GPR157: variants seen among roughly 807,000 people sequenced by gnomAD.
The protein encoded by GPR157 is G-protein coupled receptor 157.
A neutral mutation model predicts 23.5 loss-of-function variants in GPR157; 16 were observed. The ratio of observed to expected loss-of-function variants is 0.68; its 90% CI spans 0.46 to 1.04. GPR157 has a LOEUF of 1.04. GPR157 is among the 50% of genes least tolerant of loss of function. The probability of loss-of-function intolerance (pLI) is 0.00; values close to 1 mark genes in which losing one functional copy is unlikely to be tolerated. For missense variants in GPR157, 440 were observed against 460.7 expected (o/e 0.96, Z 0.41); for synonymous variants, 200 against 221.5 (o/e 0.90, Z 0.86).
rs779732025 is a variant in GPR157, at chr1:9,111,394, T to C, written c.479A>G (p.Asp160Gly). 6.2e-7 allele frequency: 1 copy of C among 1,614,096 alleles called. No homozygotes were observed. Among genetic ancestry groups the C allele is most frequent in the East Asian group, 2.2e-5 (1 of 44,872 alleles). The change falls in exon 2 of 4, where the codon GAC becomes GGC. Residue 160 changes from aspartate to glycine, a missense_variant. Physicochemically the swap from Asp to Gly is moderately conservative, Grantham distance 94. Transcript: ENST00000377411. ...CAGGACATGGTCCTTGGCCTCCAGG[T>C]CGATCCAGCACCAGCCCACAGACAC... ...SDVSVGWCWI[D>G]LEAKDHVLWM... is the part of the protein sequence containing the mutation.
At position 9,104,546 on chromosome 1, in the gene GPR157, C is replaced by G. The variant is rs1011212470; in HGVS notation, c.881G>C (p.Cys294Ser). Residue 294 changes from cysteine to serine, a missense_variant, in exon 4 of 4, where the codon TGT becomes TCT. Coordinates refer to ENST00000377411, the MANE Select transcript of GPR157 (RefSeq NM_024980.5). ...RAVRTRLFSLCCCCCSSQPPT... is the reference protein window; with the variant it reads ...RAVRTRLFSLSCCCCSSQPPT... ...AGGCTGAGAAGAGCAGCAGCAGCAA[C>G]AGAGAGAGAAGAGCCGAGTTCGGAC... 40 of 1,613,706 alleles carry G rather than the reference C, an allele frequency of 2.5e-5. No individual in the cohort carries two copies. The highest frequency in any genetic ancestry group is 3.2e-5 in the Non-Finnish European group (38 of 1,179,964).
rs921136076 is a variant in GPR157 at position 9,100,330 on chromosome 1, A to G, written c.*4089T>C. ...TAGGAGAAAAATAATTTATTTATTT[A>G]ATTTAAAACAGCAAGACTTCAGCTT... On this transcript the variant is annotated 3_prime_UTR_variant, in exon 4 of 4. Coordinates refer to ENST00000377411, the MANE Select transcript of GPR157 (RefSeq NM_024980.5). 1 of 152,238 alleles carries G rather than the reference A, an allele frequency of 6.6e-6. No homozygotes were observed. The highest frequency in any genetic ancestry group is 1.5e-5 in the Non-Finnish European group (1 of 68,044). The allele number at this position is 152,238 out of a possible 1,614,324, so 9.4% of individuals were successfully genotyped here.
At chr1:9,115,467 C>A (rs1638615617) in intron 1 of GPR157, among the ~76,000 whole-genome samples, 1 of 152,086 alleles carries the variant, frequency 6.6e-6, no homozygotes, top group African/African-American at 2.4e-5. Flanking sequence ...TTGATGCTTT[C>A]ATTTCCCTTA....
rs1416907548 is a variant in GPR157 at position 9,111,441 on chromosome 1, C to T, written c.432G>A (p.Lys144=). Residue 144 remains lysine, a synonymous_variant, in exon 2 of 4, where the codon AAG becomes AAA. Transcript: ENST00000377411. ...ACACGTCCGAGGCGTCATAGCCAAT[C>T]TTCTTCAGGGCGACGGCTGCCACAG... ...VITVAAVALK[K]IGYDASDVSV... The T allele has an allele frequency of 1.9e-6, 3 of 1,614,040 alleles. No individual in the cohort carries two copies. The highest frequency in any genetic ancestry group is 2.5e-6 in the Non-Finnish European group (3 of 1,180,044).
chr1:9,108,363 G>A (rs1322535061), intron 2 of GPR157, among the ~76,000 whole-genome samples: 1 of 152,170 alleles, frequency 6.6e-6, no homozygotes, highest in Non-Finnish European at 1.5e-5. Context: ...CCGTTTTTCT[G>A]AAACACTTGC....
intron 1 of GPR157, among the ~76,000 whole-genome samples, chr1:9,116,339 T>TATATATAA (rs1491438357): frequency 0.047 from 659 of 13,956 alleles, 134 homozygotes; most frequent in East Asian, 0.2. Context: ...TTATATATAA[T>TATATATAA]TTATATATAA....
chr1:9,116,250 T>TA (rs1247503350), intron 1 of GPR157, among the ~76,000 whole-genome samples: 395 of 5,668 alleles, frequency 0.07, 16 homozygotes, highest in East Asian at 0.17. Context: ...TATATAATTA[T>TA]ATATATATTA....
At chr1:9,126,767 G>A (rs564988054) in intron 1 of GPR157, among the ~76,000 whole-genome samples, 19 of 152,154 alleles carry the variant, frequency 1.2e-4, no homozygotes, top group Non-Finnish European at 2.6e-4. Flanking sequence ...GAGAACTCCA[G>A]AGAATAAATT....
rs199973020 is a variant in GPR157, at chr1:9,105,034, A to AACACAC, written c.793-406_793-401dup. Among the ~76,000 whole-genome samples, 3,438 of 116,972 alleles carry AACACAC rather than the reference A, an allele frequency of 0.029. 78 individuals are homozygous for AACACAC. Among genetic ancestry groups the AACACAC allele is most frequent in the African/African-American group, 0.054 (1,603 of 29,850 alleles). The allele number at this position is 116,972 out of a possible 152,430, so 76.7% of individuals were successfully genotyped here. On this transcript the variant is annotated intron_variant, in intron 3 of 3. Transcript: ENST00000377411. The surrounding 1 kb of genome is among the most constrained non-coding windows in gnomAD (Gnocchi z 4.8). ...CCCCAAAAAAGAGAAATGGCTGAGA[A>AACACAC]ACACACACACACACACACACACACA...
rs372007595 is a variant in GPR157 at position 9,128,690 on chromosome 1, C to T, written c.338G>A (p.Arg113His). 2.5e-6 allele frequency: 4 copies of T among 1,613,228 alleles called. No homozygotes were observed. The highest frequency in any genetic ancestry group is 2.7e-5 in the African/African-American group (2 of 75,064). Residue 113 changes from arginine (R) to histidine (H), a missense_variant, in exon 1 of 4, where the codon CGC becomes CAC. Transcript: ENST00000377411. This position sits in a 1 kb window ranked among gnomAD's most constrained non-coding sequence, Gnocchi z 6.3. ...YLYLSIVRAA[R>H]GPRTDRLLWA... ...AAGCAGGCGATCTGTGCGAGGCCCGCGCGCGGCGCGGACGATGCTGAGGTA... is the reference window on the plus strand; with the variant it reads ...AAGCAGGCGATCTGTGCGAGGCCCGTGCGCGGCGCGGACGATGCTGAGGTA...
intron 1 of GPR157, among the ~76,000 whole-genome samples, chr1:9,123,644 T>A (rs1283010708): frequency 3.5e-5 from 4 of 115,338 alleles, no homozygotes; most frequent in Non-Finnish European, 4.9e-5. Flanking sequence ...TATACATTAA[T>A]ATTAAATATA....
At chr1:9,117,487 C>T (rs1171082191) in intron 1 of GPR157, among the ~76,000 whole-genome samples, 3 of 152,192 alleles carry the variant, frequency 2.0e-5, no homozygotes, top group East Asian at 1.9e-4. Context: ...TAGCTGGGCA[C>T]GGTGGCTCAC....
rs1319814744 is a variant in GPR157, at chr1:9,104,375, C to A, written c.*44G>T. The A allele has an allele frequency of 6.9e-7, 1 of 1,458,106 alleles. No individual in the cohort carries two copies. Among genetic ancestry groups the A allele is most frequent in the Non-Finnish European group, 9.6e-7 (1 of 1,043,362 alleles). The allele number at this position is 1,458,106 out of a possible 1,614,324, so 90.3% of individuals were successfully genotyped here. On this transcript the variant is annotated 3_prime_UTR_variant, in exon 4 of 4. Transcript: ENST00000377411. ...CAGGGACTCACAGAAGTGCCTACCC[C>A]CAGGAAGGCAGCACCTATGCACAGA... is the stretch of plus-strand genomic sequence containing the variant.
chr1:9,114,856 G>C (rs1015069172), intron 1 of GPR157, among the ~76,000 whole-genome samples: 4 of 149,532 alleles, frequency 2.7e-5, no homozygotes, highest in African/African-American at 9.9e-5. Flanking sequence ...GAGAGGCAGA[G>C]GTTGCAGTGA....
Position 9,128,900 on chromosome 1 carries a change from C to A in GPR157, c.128G>T (p.Arg43Leu), listed in dbSNP as rs774212230. The change falls in exon 1 of 4, where the codon CGC becomes CTC. Residue 43 changes from arginine (R) to leucine (L), a missense_variant. Coordinates refer to ENST00000377411, the MANE Select transcript of GPR157 (RefSeq NM_024980.5). The surrounding 1 kb of genome is among the most constrained non-coding windows in gnomAD (Gnocchi z 6.3). Reference protein sequence around the residue: ...VATHALWPDLRSRARRLLLFL... With the variant: ...VATHALWPDLLSRARRLLLFL... Reference sequence around the variant, plus strand: ...GAGCAGCAGGCGCCGTGCCCGGCTGCGCAGGTCGGGCCACAGGGCGTGCGT... The same window carrying A: ...GAGCAGCAGGCGCCGTGCCCGGCTGAGCAGGTCGGGCCACAGGGCGTGCGT... 1 of 1,550,732 alleles carries A rather than the reference C, an allele frequency of 6.4e-7. No individual in the cohort carries two copies. Among genetic ancestry groups the A allele is most frequent in the South Asian group, 1.2e-5 (1 of 84,716 alleles).
intron 2 of GPR157, among the ~76,000 whole-genome samples, chr1:9,110,298 G>A (rs937222377): frequency 3.3e-5 from 5 of 152,180 alleles, no homozygotes; most frequent in African/African-American, 1.2e-4. Flanking sequence ...CGAGGTGGGC[G>A]GATCACTTGA....
chr1:9,123,976 A>T (rs1172776989), intron 1 of GPR157, among the ~76,000 whole-genome samples: 1 of 151,224 alleles, frequency 6.6e-6, no homozygotes, highest in Non-Finnish European at 1.5e-5. Context: ...CTGCAGCCGC[A>T]CACCACCACA....
intron 2 of GPR157, among the ~76,000 whole-genome samples, chr1:9,109,655 A>G (rs1638431188): frequency 6.6e-6 from 1 of 152,136 alleles, no homozygotes; most frequent in South Asian, 2.1e-4. Flanking sequence ...CGGCCCCCCA[A>G]ACTGCTGGGA....
rs1235875514 is a variant in GPR157, at chr1:9,101,728, C to A, written c.*2691G>T. Reference sequence around the variant, plus strand: ...GCAGGTATTTTCTGAGCCCTCAGCTCCCTCTACAGGCCTTTCCTGACCACA... The same window carrying A: ...GCAGGTATTTTCTGAGCCCTCAGCTACCTCTACAGGCCTTTCCTGACCACA... On this transcript the variant is annotated 3_prime_UTR_variant, in exon 4 of 4. Coordinates refer to ENST00000377411, the MANE Select transcript of GPR157 (RefSeq NM_024980.5). The A allele has an allele frequency of 6.6e-6, 1 of 152,198 alleles. No individual in the cohort carries two copies. The highest frequency in any genetic ancestry group is 2.4e-5 in the African/African-American group (1 of 41,446). 9.4% of individuals were successfully genotyped at this position (152,198 alleles called of 1,614,324 possible). A position where few individuals can be genotyped will look rare whatever the true frequency, so the allele number is the denominator to read the frequency against.
Sources: allele counts gnomAD v4.1 joint callset (sites outside exome capture counted in the v4.1 genomes callset), GRCh38; gene constraint gnomAD v4.1.1; non-coding constraint Gnocchi (gnomAD v3.1); transcripts MANE v1.5; gene names NCBI Gene and HGNC (gene_info 2026-07-23, HGNC 2026-07-21).